DRC11: variants seen among roughly 807,000 people sequenced by gnomAD.
DRC11 encodes dynein regulatory complex subunit 11, also known as IQ and AAA domain-containing protein 1.
chr2:236,484,272 G>A, the DRC11 span, among the ~76,000 whole-genome samples: 1 of 152,050 alleles, frequency 6.6e-6, no homozygotes, highest in Non-Finnish European at 1.5e-5. Flanking sequence ...ATTTGATGAA[G>A]GTACAATTTT....
chr2:236,346,788 A>G, the DRC11 span: 3 of 167,728 alleles, frequency 1.8e-5, no homozygotes, highest in Admixed American at 6.5e-5. Context: ...CAGTCTCCCA[A>G]TAAACAGAAA....
chr2:236,497,070 AG>A, the DRC11 span: 5,115 of 985,564 alleles, frequency 5.2e-3, 171 homozygotes, highest in African/African-American at 0.072. This position sits in a 1 kb window ranked among gnomAD's most constrained non-coding sequence, Gnocchi z 5.1. Context: ...AAACACGGAC[AG>A]GAAGTCTGTA....
the DRC11 span, among the ~76,000 whole-genome samples, chr2:236,401,714 A>G: frequency 6.8e-6 from 1 of 147,106 alleles, no homozygotes; most frequent in African/African-American, 2.5e-5. This position sits in a 1 kb window ranked among gnomAD's most constrained non-coding sequence, Gnocchi z 4.6. Flanking sequence ...AAACAGATAA[A>G]CTCAGGGACA....
the DRC11 span, among the ~76,000 whole-genome samples, chr2:236,498,811 C>T: frequency 6.6e-6 from 1 of 152,256 alleles, no homozygotes; most frequent in Non-Finnish European, 1.5e-5. Context: ...CTGCCAGAGC[C>T]AATACCTTCA....
the DRC11 span, chr2:236,324,241 G>C: frequency 5.9e-6 from 1 of 169,912 alleles, no homozygotes; most frequent in Non-Finnish European, 1.3e-5. This position sits in a 1 kb window ranked among gnomAD's most constrained non-coding sequence, Gnocchi z 5.7. Context: ...ACTATACAGT[G>C]TACATGGATT....
the DRC11 span, among the ~76,000 whole-genome samples, chr2:236,343,428 AAGGAAGCGG>A: frequency 6.6e-6 from 1 of 152,178 alleles, no homozygotes. This position sits in a 1 kb window ranked among gnomAD's most constrained non-coding sequence, Gnocchi z 6.6. Context: ...TTTAATAGTA[AAGGAAGCGG>A]AGGCTCAGAG....
the DRC11 span, chr2:236,338,393 GA>G: frequency 2.8e-5 from 43 of 1,552,240 alleles, no homozygotes; most frequent in Admixed American, 6.0e-5. Flanking sequence ...CTGGGAGAGA[GA>G]AAAAAAAATT....
chr2:236,378,867 T>G, the DRC11 span, among the ~76,000 whole-genome samples: 509 of 152,234 alleles, frequency 3.3e-3, 2 homozygotes, highest in African/African-American at 0.011. Flanking sequence ...GCTGACCAGC[T>G]GCTTCTTCGG....
At chr2:236,352,032 G>A in the DRC11 span, among the ~76,000 whole-genome samples, 1 of 152,206 alleles carries the variant, frequency 6.6e-6, no homozygotes, top group Non-Finnish European at 1.5e-5. The surrounding 1 kb of genome is among the most constrained non-coding windows in gnomAD (Gnocchi z 7.0). Flanking sequence ...CTCGAGTAAA[G>A]GGGGACAGTA....
At chr2:236,380,871 T>C in the DRC11 span, among the ~76,000 whole-genome samples, 2 of 152,184 alleles carry the variant, frequency 1.3e-5, no homozygotes, top group Non-Finnish European at 2.9e-5. This position sits in a 1 kb window ranked among gnomAD's most constrained non-coding sequence, Gnocchi z 4.9. Context: ...ACTGTGGAAC[T>C]TGCACAGGGC....
chr2:236,309,274 C>T, the DRC11 span, among the ~76,000 whole-genome samples: 3 of 152,230 alleles, frequency 2.0e-5, no homozygotes, highest in African/African-American at 7.2e-5. This position sits in a 1 kb window ranked among gnomAD's most constrained non-coding sequence, Gnocchi z 5.7. Flanking sequence ...AGGTCGATAG[C>T]TACTGGAGCC....
the DRC11 span, among the ~76,000 whole-genome samples, chr2:236,486,316 G>A: frequency 0.029 from 4,424 of 152,296 alleles, 85 homozygotes; most frequent in Non-Finnish European, 0.046. This position sits in a 1 kb window ranked among gnomAD's most constrained non-coding sequence, Gnocchi z 5.7. Context: ...CTGGAGGGGA[G>A]GACCTAGTTA....
chr2:236,356,992 CT>C, the DRC11 span, among the ~76,000 whole-genome samples: 1 of 85,560 alleles, frequency 1.2e-5, no homozygotes, highest in Non-Finnish European at 2.5e-5. Context: ...TATTATATAT[CT>C]ATATATTTAT....
At chr2:236,433,962 C>A in the DRC11 span, among the ~76,000 whole-genome samples, 1 of 152,172 alleles carries the variant, frequency 6.6e-6, no homozygotes, top group Non-Finnish European at 1.5e-5. Context: ...TTTTAAATAT[C>A]AAAAATGGAT....
chr2:236,411,277 CA>C, the DRC11 span, among the ~76,000 whole-genome samples: 1 of 151,894 alleles, frequency 6.6e-6, no homozygotes, highest in South Asian at 2.1e-4. Flanking sequence ...TTTATGCAGC[CA>C]AAAAACACAT....
At chr2:236,358,167 TATA>T in the DRC11 span, among the ~76,000 whole-genome samples, 1 of 122,174 alleles carries the variant, frequency 8.2e-6, no homozygotes, top group Non-Finnish European at 1.6e-5. Flanking sequence ...TATATGAATA[TATA>T]ATATATATAC....
the DRC11 span, among the ~76,000 whole-genome samples, chr2:236,367,102 G>A: frequency 6.7e-6 from 1 of 150,338 alleles, no homozygotes; most frequent in Non-Finnish European, 1.5e-5. This position sits in a 1 kb window ranked among gnomAD's most constrained non-coding sequence, Gnocchi z 4.8. Context: ...TTACATGCGT[G>A]AGCCACTATG....
the DRC11 span, among the ~76,000 whole-genome samples, chr2:236,378,921 C>T: frequency 1.3e-5 from 2 of 152,178 alleles, no homozygotes; most frequent in African/African-American, 2.4e-5. Context: ...GCTTCTCAAA[C>T]AATGCAGCCT....
the DRC11 span, among the ~76,000 whole-genome samples, chr2:236,458,196 T>G: frequency 1.3e-5 from 2 of 152,196 alleles, no homozygotes; most frequent in Non-Finnish European, 2.9e-5. Context: ...CATCAGTGTT[T>G]GCTTGATGAA....
Sources: gnomAD v4.1 joint callset for allele counts (sites outside exome capture counted in the v4.1 genomes callset) on GRCh38, gnomAD v4.1.1 for gene constraint, Gnocchi (gnomAD v3.1) non-coding constraint, MANE v1.5 for transcripts, NCBI Gene and HGNC (gene_info 2026-07-23, HGNC 2026-07-21) for gene names.